The following PTPRD variants were observed in gnomAD, a reference collection of about 807,000 sequenced individuals.
PTPRD encodes the protein receptor-type tyrosine-protein phosphatase delta.
In PTPRD, 34 loss-of-function variants were observed where a neutral mutation model predicts 214.5. The ratio of observed to expected loss-of-function variants is 0.16; its 90% CI spans 0.12 to 0.21. The LOEUF (loss-of-function observed/expected upper bound fraction) is 0.21, where lower values mean the gene tolerates loss of function less well. PTPRD is among the 10% of genes least tolerant of loss of function. PTPRD has a pLI of 1.00. For synonymous variants in PTPRD, 1,128 were observed against 845.7 expected (o/e 1.33, Z -5.79); for missense variants, 2,545 against 2,398.7 (o/e 1.06, Z -1.27).
chr9:9,121,739 G>A (rs1162207329), intron 10 of PTPRD, among the ~76,000 whole-genome samples: 1 of 152,020 alleles, frequency 6.6e-6, no homozygotes, highest in Non-Finnish European at 1.5e-5. Flanking sequence ...CTCAGGTGAT[G>A]GGTGCATCAG....
intron 2 of PTPRD, among the ~76,000 whole-genome samples, chr9:10,458,577 G>A (rs116638530): frequency 6.6e-6 from 1 of 152,140 alleles, no homozygotes; most frequent in Non-Finnish European, 1.5e-5. Flanking sequence ...AAAAAGCACA[G>A]CTAACATCAT....
At chr9:9,593,539 T>G (rs572871773) in intron 7 of PTPRD, among the ~76,000 whole-genome samples, 339 of 152,062 alleles carry the variant, frequency 2.2e-3, no homozygotes, top group African/African-American at 7.7e-3. Flanking sequence ...ATAAAAAATG[T>G]TAATATGGAG....
intron 8 of PTPRD, among the ~76,000 whole-genome samples, chr9:9,499,242 T>A (rs1244309707): frequency 6.6e-6 from 1 of 152,120 alleles, no homozygotes; most frequent in East Asian, 1.9e-4. Context: ...TATGATGTTA[T>A]CCCCTTTTTA....
intron 11 of PTPRD, among the ~76,000 whole-genome samples, chr9:8,920,116 A>C (rs1229046159): frequency 6.6e-6 from 1 of 152,122 alleles, no homozygotes; most frequent in Non-Finnish European, 1.5e-5. Flanking sequence ...CGAGGTGGTC[A>C]GATTGCCTGA....
At chr9:9,333,392 G>A (rs76610245) in intron 9 of PTPRD, among the ~76,000 whole-genome samples, 4,670 of 150,458 alleles carry the variant, frequency 0.031, 265 homozygotes, top group African/African-American at 0.11. Flanking sequence ...GAGAGAGTAT[G>A]GATTGTTTAG....
chr9:9,625,553 A>ATTTTTTTT (rs61688647), intron 7 of PTPRD, among the ~76,000 whole-genome samples: 1 of 142,874 alleles, frequency 7.0e-6, no homozygotes, highest in Non-Finnish European at 1.5e-5. Flanking sequence ...TTGTTCCTCT[A>ATTTTTTTT]TTTTTTTTTT....
At chr9:10,071,737 T>C (rs1327725715) in intron 3 of PTPRD, among the ~76,000 whole-genome samples, 1 of 151,952 alleles carries the variant, frequency 6.6e-6, no homozygotes, top group African/African-American at 2.4e-5. Context: ...TGTTTAGGTA[T>C]AACACCATAA....
intron 14 of PTPRD, among the ~76,000 whole-genome samples, chr9:8,598,964 G>A (rs569461156): frequency 5.9e-5 from 9 of 152,200 alleles, no homozygotes; most frequent in East Asian, 5.8e-4. Flanking sequence ...AAAATGATAC[G>A]GTTTGTCTGT....
At position 9,347,974 on chromosome 9, in the gene PTPRD, C is replaced by A. The variant is rs549847884; in HGVS notation, c.-203+49475G>T. 2.4e-4 allele frequency among the ~76,000 whole-genome samples: 37 copies of A among 151,496 alleles called. 1 individual carries two copies. The highest frequency in any genetic ancestry group is 2.4e-3 in the Admixed American group (37 of 15,214). On this transcript the variant is annotated intron_variant, in intron 9 of 45. Coordinates refer to ENST00000381196, the MANE Select transcript of PTPRD (RefSeq NM_002839.4). ...TAGCCATTACTGCCTATAAAGTGAC[C>A]AAAAAAAATCAGAGAGTATGTCACC...
At chr9:10,503,209 A>AAAAAAAAAAAAAAAAAAC (rs1566570259) in intron 2 of PTPRD, among the ~76,000 whole-genome samples, 1 of 92,968 alleles carries the variant, frequency 1.1e-5, no homozygotes, top group Non-Finnish European at 2.0e-5. Context: ...AAAAAAAAAC[A>AAAAAAAAAAAAAAAAAAC]AAAAAAAACA....
At chr9:9,881,695 G>C (rs780726047) in intron 5 of PTPRD, among the ~76,000 whole-genome samples, 1 of 152,088 alleles carries the variant, frequency 6.6e-6, no homozygotes, top group African/African-American at 2.4e-5. Context: ...CCACTTTACC[G>C]CAACCGTCTC....
At chr9:10,539,325 C>G (rs1263530998) in intron 2 of PTPRD, among the ~76,000 whole-genome samples, 1 of 152,140 alleles carries the variant, frequency 6.6e-6, no homozygotes, top group Non-Finnish European at 1.5e-5. Flanking sequence ...GTTGGGATTA[C>G]AGGCGACCGC....
intron 8 of PTPRD, among the ~76,000 whole-genome samples, chr9:9,440,436 TG>T (rs1196478999): frequency 6.6e-6 from 1 of 152,074 alleles, no homozygotes; most frequent in East Asian, 1.9e-4. Flanking sequence ...ATTTGCATGG[TG>T]GGAAAAAAGA....
chr9:9,647,702 A>G (rs918863846), intron 7 of PTPRD, among the ~76,000 whole-genome samples: 1 of 152,156 alleles, frequency 6.6e-6, no homozygotes, highest in South Asian at 2.1e-4. Flanking sequence ...CAATGTTCTA[A>G]TTTCTTGTTC....
At chr9:10,183,072 C>T (rs971752443) in intron 3 of PTPRD, among the ~76,000 whole-genome samples, 12 of 152,046 alleles carry the variant, frequency 7.9e-5, no homozygotes, top group East Asian at 1.9e-4. Context: ...AAGAATAATG[C>T]TATTTTCTTG....
chr9:10,229,459 C>T (rs565046821), intron 3 of PTPRD, among the ~76,000 whole-genome samples: 1 of 152,100 alleles, frequency 6.6e-6, no homozygotes, highest in African/African-American at 2.4e-5. Flanking sequence ...ACCCAAATGT[C>T]CAACAGTGAT....
chr9:9,960,921 G>C (rs565041819), intron 4 of PTPRD, among the ~76,000 whole-genome samples: 267 of 151,922 alleles, frequency 1.8e-3, no homozygotes, highest in African/African-American at 6.2e-3. Context: ...TCTGACAAAG[G>C]GCTAATATCC....
intron 6 of PTPRD, among the ~76,000 whole-genome samples, chr9:9,740,064 T>C (rs1431774021): frequency 6.6e-6 from 1 of 152,186 alleles, no homozygotes; most frequent in East Asian, 1.9e-4. Flanking sequence ...AAACTTGCCT[T>C]ATGATTCAGC....
chr9:9,182,815 C>T (rs1187723334), intron 10 of PTPRD, among the ~76,000 whole-genome samples: 3 of 151,942 alleles, frequency 2.0e-5, no homozygotes, highest in Middle Eastern at 3.4e-3. Flanking sequence ...TTAAAAAATT[C>T]GCTAATCTAC....
Sources: allele counts gnomAD v4.1 joint callset (sites outside exome capture counted in the v4.1 genomes callset), GRCh38; gene constraint gnomAD v4.1.1; transcripts MANE v1.5; gene names NCBI Gene and HGNC (gene_info 2026-07-23, HGNC 2026-07-21).